VWC2: variants seen among roughly 807,000 people sequenced by gnomAD.
VWC2 encodes the protein von Willebrand factor C domain containing 2.
VWC2 carries 14 observed loss-of-function variants against 29.8 expected under a neutral mutation model. The ratio of observed to expected loss-of-function variants is 0.47; its 90% CI spans 0.31 to 0.74. VWC2 has a LOEUF of 0.74. Among genes scored for constraint, VWC2 ranks in the 30% least tolerant of loss-of-function variants. The pLI, the probability that VWC2 is intolerant of heterozygous loss-of-function variation, is 0.05. For missense variants in VWC2, 457 were observed against 459.8 expected, an observed-to-expected ratio of 0.99 and a Z score of 0.05; for synonymous variants, 213 against 199.0, an observed-to-expected ratio of 1.07 and a Z score of -0.59.
intron 3 of VWC2, among the ~76,000 whole-genome samples, chr7:49,840,337 C>T (rs1247147072): frequency 2.0e-5 from 3 of 152,162 alleles, no homozygotes; most frequent in Non-Finnish European, 4.4e-5. Flanking sequence ...AGTCATGCAG[C>T]AGATCATCAG....
chr7:49,904,762 G>GT (rs1792994648), intron 3 of VWC2, among the ~76,000 whole-genome samples: 1 of 142,430 alleles, frequency 7.0e-6, no homozygotes, highest in South Asian at 2.2e-4. Context: ...TTGAGATGGA[G>GT]TATCACTCTG....
chr7:49,883,870 C>G (rs548916233), intron 3 of VWC2, among the ~76,000 whole-genome samples: 1 of 152,280 alleles, frequency 6.6e-6, no homozygotes, highest in African/African-American at 2.4e-5. Context: ...ATAAAGAAAA[C>G]AAGTATTCAA....
chr7:49,775,811 G>A lies in VWC2; in HGVS notation c.376G>A (p.Ala126Thr), dbSNP rs1396132387. ...DTPQAEALAA[A>T]AQDAIGPELA... is the part of the protein sequence containing the mutation. Reference sequence around the variant, plus strand: ...CCCGCAGGCGGAAGCCCTGGCCGCAGCCGCCCAGGACGCGATTGGCCCGGA... The same window carrying A: ...CCCGCAGGCGGAAGCCCTGGCCGCAACCGCCCAGGACGCGATTGGCCCGGA... The change falls in exon 2 of 4, where the codon GCC (alanine) becomes ACC (threonine). Residue 126 changes from alanine to threonine, a missense_variant. Ala to Thr is a moderately conservative substitution (Grantham distance 58, BLOSUM62 0). Coordinates refer to ENST00000340652, the MANE Select transcript of VWC2 (RefSeq NM_198570.5). 1.3e-6 allele frequency: 2 copies of A among 1,539,292 alleles called. No homozygotes were observed. Among genetic ancestry groups the A allele is most frequent in the African/African-American group, 1.4e-5 (1 of 72,574 alleles).
chr7:49,867,691 A>G (rs932082010), intron 3 of VWC2, among the ~76,000 whole-genome samples: 4 of 152,202 alleles, frequency 2.6e-5, no homozygotes, highest in Non-Finnish European at 4.4e-5. Flanking sequence ...TTCTGGACCC[A>G]AGGCTCACCT....
At chr7:49,783,321 G>A (rs1186923643) in intron 2 of VWC2, among the ~76,000 whole-genome samples, 2 of 152,118 alleles carry the variant, frequency 1.3e-5, no homozygotes, top group Non-Finnish European at 2.9e-5. Context: ...GGGTCAGGGG[G>A]TCAAGGGGGC....
At chr7:49,830,842 A>G (rs995657071) in intron 3 of VWC2, among the ~76,000 whole-genome samples, 1 of 152,204 alleles carries the variant, frequency 6.6e-6, no homozygotes, top group African/African-American at 2.4e-5. Flanking sequence ...TACAAAGGAC[A>G]TGAACTCATC....
intron 2 of VWC2, among the ~76,000 whole-genome samples, chr7:49,789,136 G>A (rs528247816): frequency 2.7e-5 from 4 of 147,888 alleles, no homozygotes; most frequent in Non-Finnish European, 4.5e-5. Flanking sequence ...TGTGTGAATG[G>A]ATGTATGAGA....
intron 3 of VWC2, among the ~76,000 whole-genome samples, chr7:49,838,943 CCA>C (rs1342471835): frequency 6.6e-6 from 1 of 152,062 alleles, no homozygotes; most frequent in Non-Finnish European, 1.5e-5. Flanking sequence ...GCTTTAATCC[CCA>C]GTGTGACAGA....
At chr7:49,884,778 TA>T (rs1791823429) in intron 3 of VWC2, among the ~76,000 whole-genome samples, 1 of 151,338 alleles carries the variant, frequency 6.6e-6, no homozygotes, top group South Asian at 2.1e-4. Context: ...GGGAAAAAAA[TA>T]AATAAACCTA....
At position 49,775,598 on chromosome 7, in the gene VWC2, G is replaced by A; in HGVS notation, c.163G>A (p.Gly55Ser). 6.5e-7 allele frequency: 1 copy of A among 1,533,892 alleles called. No homozygotes were observed. The highest frequency in any genetic ancestry group is 2.5e-5 in the East Asian group (1 of 39,698). Residue 55 changes from glycine (G) to serine (S), a missense_variant, in exon 2 of 4, where the codon GGC becomes AGC. Gly to Ser is a moderately conservative substitution (Grantham distance 56, BLOSUM62 0). Coordinates refer to ENST00000340652, the MANE Select transcript of VWC2 (RefSeq NM_198570.5). ...QEKREHASRD[G>S]PGRVNELGRP... ...GAAGCGTGAGCACGCCTCTCGGGAC[G>A]GCCCGGGGCGGGTGAACGAGCTCGG...
At chr7:49,876,201 T>C (rs1159838527) in intron 3 of VWC2, among the ~76,000 whole-genome samples, 3 of 152,208 alleles carry the variant, frequency 2.0e-5, no homozygotes, top group African/African-American at 7.2e-5. Context: ...ACAGGTTGGG[T>C]AAATCACGTC....
chr7:49,899,747 C>T (rs1048153465), intron 3 of VWC2, among the ~76,000 whole-genome samples: 1 of 151,840 alleles, frequency 6.6e-6, no homozygotes, highest in Non-Finnish European at 1.5e-5. Context: ...ACCCCTCTAC[C>T]AGAAATGTAT....
intron 3 of VWC2, among the ~76,000 whole-genome samples, chr7:49,873,447 A>C (rs692667): frequency 0.8 from 121,254 of 152,026 alleles, 48,512 homozygotes; most frequent in East Asian, 0.91. Flanking sequence ...TGCCCAAGTC[A>C]CCACCTCCTG....
intron 3 of VWC2, among the ~76,000 whole-genome samples, chr7:49,867,820 AT>A (rs1338501825): frequency 3.4e-5 from 5 of 145,248 alleles, no homozygotes; most frequent in Non-Finnish European, 6.0e-5. Context: ...ATTATTTTCT[AT>A]TTTTTATTTT....
At chr7:49,779,267 C>T (rs1788123864) in intron 2 of VWC2, among the ~76,000 whole-genome samples, 1 of 152,144 alleles carries the variant, frequency 6.6e-6, no homozygotes, top group Admixed American at 6.5e-5. Flanking sequence ...TCTGCATATT[C>T]TAAACTTGTT....
chr7:49,882,288 GT>G (rs1317923339), intron 3 of VWC2, among the ~76,000 whole-genome samples: 2 of 152,070 alleles, frequency 1.3e-5, no homozygotes, highest in African/African-American at 2.4e-5. Context: ...ATTTCTCTTT[GT>G]TCTGCTAAGC....
intron 3 of VWC2, among the ~76,000 whole-genome samples, chr7:49,865,272 T>C (rs1385798738): frequency 6.6e-6 from 1 of 152,208 alleles, no homozygotes; most frequent in Non-Finnish European, 1.5e-5. Flanking sequence ...AGTTGATCTC[T>C]GAAATCTGAG....
intron 3 of VWC2, among the ~76,000 whole-genome samples, chr7:49,833,219 G>A (rs920309763): frequency 7.2e-5 from 11 of 152,214 alleles, no homozygotes; most frequent in Non-Finnish European, 1.0e-4. Flanking sequence ...GTAACAGGAG[G>A]TAGTGGAGGG....
rs1213990420 is a variant in VWC2, at chr7:49,775,539, A to G, written c.104A>G (p.Lys35Arg). 1 of 1,566,984 alleles carries G rather than the reference A, an allele frequency of 6.4e-7. No homozygotes were observed. The highest frequency in any genetic ancestry group is 1.8e-5 in the Admixed American group (1 of 55,494). The part of the protein sequence containing the change: ...ALCSPSIPLE[K>R]LAQAPEQPGQ... Reference sequence around the variant, plus strand: ...TGCAGTCCGAGCATCCCGCTGGAGAAGCTGGCCCAGGCACCAGAGCAGCCG... The same window carrying G: ...TGCAGTCCGAGCATCCCGCTGGAGAGGCTGGCCCAGGCACCAGAGCAGCCG... The change falls in exon 2 of 4, where the codon AAG becomes AGG. Residue 35 changes from lysine to arginine, a missense_variant. Physicochemically the swap from Lys to Arg is conservative, Grantham distance 26 (BLOSUM62 2). This residue lies in a region of VWC2 where 272 missense variants were observed against 202.7 expected (regional missense o/e 1.34). Transcript: ENST00000340652.
Sources: allele counts gnomAD v4.1 joint callset (sites outside exome capture counted in the v4.1 genomes callset), GRCh38; gene constraint gnomAD v4.1.1; regional missense constraint gnomAD v4.1.1; transcripts MANE v1.5; gene names NCBI Gene and HGNC (gene_info 2026-07-23, HGNC 2026-07-21).